Variants in STAT4 observed in about 807,000 individuals in gnomAD.
STAT4 encodes signal transducer and activator of transcription 4.
STAT4 carries 42 observed loss-of-function variants against 110.5 expected under a neutral mutation model. That is an observed-to-expected ratio of 0.38 (90% confidence interval 0.30 to 0.49). The LOEUF (loss-of-function observed/expected upper bound fraction) is 0.49, where lower values mean the gene tolerates loss of function less well. Ranked by LOEUF, STAT4 falls within the 20% of genes least tolerant of loss-of-function variation. The probability of loss-of-function intolerance (pLI) is 0.95; values close to 1 mark genes in which losing one functional copy is unlikely to be tolerated. For missense variants in STAT4, 632 were observed against 887.9 expected (o/e 0.71, Z 3.66); for synonymous variants, 284 against 302.2 (o/e 0.94, Z 0.63).
intron 3 of STAT4, among the ~76,000 whole-genome samples, chr2:191,119,433 C>A (rs1348115584): frequency 6.6e-6 from 1 of 152,044 alleles, no homozygotes; most frequent in Non-Finnish European, 1.5e-5. Flanking sequence ...AAAAGGAATG[C>A]CCATTTCCAG....
chr2:191,119,233 A>C (rs1698654221), intron 3 of STAT4, among the ~76,000 whole-genome samples: 2 of 152,192 alleles, frequency 1.3e-5, no homozygotes, highest in African/African-American at 4.8e-5. Context: ...AAATATGCTA[A>C]AAAGGGTCCC....
At chr2:191,034,149 G>A (rs767505950) in intron 18 of STAT4, 144 bp from the exon 19 acceptor site, 34 of 684,050 alleles carry the variant, frequency 5.0e-5, no homozygotes, top group Non-Finnish European at 7.4e-5. Context: ...TTGGCCTGGT[G>A]TGGTGGCTCA....
At chr2:191,063,925 T>A (rs565851748) in intron 8 of STAT4, among the ~76,000 whole-genome samples, 1 of 152,242 alleles carries the variant, frequency 6.6e-6, no homozygotes, top group Non-Finnish European at 1.5e-5. Flanking sequence ...TTTGACTTGT[T>A]CTCTTAAGAA....
chr2:191,115,955 A>G (rs1306876527), intron 3 of STAT4, among the ~76,000 whole-genome samples: 1 of 152,232 alleles, frequency 6.6e-6, no homozygotes, highest in Non-Finnish European at 1.5e-5. Flanking sequence ...AAGGCCAGAT[A>G]CAACTATATC....
In STAT4 at chr2:191,142,473, G is replaced by A. The variant is rs1699362331; in HGVS notation, c.273+4140C>T. 6.6e-6 allele frequency among the ~76,000 whole-genome samples: 1 copy of A among 151,930 alleles called. No homozygotes were observed. The highest frequency in any genetic ancestry group is 2.1e-4 in the South Asian group (1 of 4,812). ...GGCTGGGAAGGGTGGGTGGATGGAG[G>A]GAAATGAAAAGAGCCTGGTTAATGG... On this transcript the variant is annotated intron_variant, in intron 3 of 23. Coordinates refer to ENST00000392320, the MANE Select transcript of STAT4 (RefSeq NM_003151.4). This position sits in a 1 kb window ranked among gnomAD's most constrained non-coding sequence, Gnocchi z 4.1.
chr2:191,065,340 C>A (rs1181299722), intron 7 of STAT4, among the ~76,000 whole-genome samples: 2 of 152,026 alleles, frequency 1.3e-5, no homozygotes, highest in East Asian at 3.8e-4. Flanking sequence ...AATGAGCTGA[C>A]TAAAATTTGA....
rs756939006 is a variant in STAT4, at chr2:191,090,512, G to T, written c.274-14187C>A. ...ATCTTAAACTAGCTAAAAATTAGCT[G>T]CAGGTATATATAGCTTGTCTTACCT... On this transcript the variant is annotated intron_variant, in intron 3 of 23. Transcript: ENST00000392320. The surrounding 1 kb of genome is among the most constrained non-coding windows in gnomAD (Gnocchi z 4.2). 6.6e-6 allele frequency among the ~76,000 whole-genome samples: 1 copy of T among 151,980 alleles called. No individual in the cohort carries two copies. Among genetic ancestry groups the T allele is most frequent in the Non-Finnish European group, 1.5e-5 (1 of 67,982 alleles).
chr2:191,106,487 T>C (rs1376638441), intron 3 of STAT4, among the ~76,000 whole-genome samples: 2 of 151,714 alleles, frequency 1.3e-5, no homozygotes, highest in African/African-American at 4.8e-5. Context: ...AAATTTCGTC[T>C]CTACTAAAAA....
intron 1 of STAT4, 86 bp from the exon 2 acceptor site, chr2:191,148,290 T>C: frequency 6.8e-7 from 1 of 1,464,276 alleles, no homozygotes; most frequent in Non-Finnish European, 9.2e-7. Context: ...AATTAGTCAA[T>C]GTTATGACTG....
chr2:191,106,781 C>T (rs1367024818), intron 3 of STAT4, among the ~76,000 whole-genome samples: 2 of 152,166 alleles, frequency 1.3e-5, no homozygotes, highest in Admixed American at 1.3e-4. Flanking sequence ...GAACATACAG[C>T]CTTCAGGGAC....
chr2:191,141,370 TTTTATACATACATGTATATATATATCATA>T (rs1242552054), intron 3 of STAT4, among the ~76,000 whole-genome samples: 1 of 149,954 alleles, frequency 6.7e-6, no homozygotes, highest in Non-Finnish European at 1.5e-5. Flanking sequence ...AAAATGGTTA[TTTTATACATACATGTATATATATATCATA>T]TATATACATA....
At position 191,135,659 on chromosome 2, in the gene STAT4, G is replaced by A. The variant is rs1699160309; in HGVS notation, c.273+10954C>T. Among the ~76,000 whole-genome samples the A allele has an allele frequency of 6.6e-6, 1 of 152,022 alleles. No homozygotes were observed. Among genetic ancestry groups the A allele is most frequent in the African/African-American group, 2.4e-5 (1 of 41,390 alleles). ...TTTTTTGTATTTTTAGTAGAGACAGGGTTTCACCATGTTGGCTGCACTGGT... is the reference window on the plus strand; with the variant it reads ...TTTTTTGTATTTTTAGTAGAGACAGAGTTTCACCATGTTGGCTGCACTGGT... On this transcript the variant is annotated intron_variant, in intron 3 of 23. Coordinates refer to ENST00000392320, the MANE Select transcript of STAT4 (RefSeq NM_003151.4). The surrounding 1 kb of genome is among the most constrained non-coding windows in gnomAD (Gnocchi z 4.8).
Position 191,147,837 on chromosome 2 carries a change from T to A in STAT4, c.128+239A>T, listed in dbSNP as rs1699498306. ...CTTTTTTTAATACATGAAAAATTATTTGGGTTTTTGTTTACAGAGAAAAGA... is the reference window on the plus strand; with the variant it reads ...CTTTTTTTAATACATGAAAAATTATATGGGTTTTTGTTTACAGAGAAAAGA... On this transcript the variant is annotated intron_variant, in intron 2 of 23. Coordinates refer to ENST00000392320, the MANE Select transcript of STAT4 (RefSeq NM_003151.4). This position sits in a 1 kb window ranked among gnomAD's most constrained non-coding sequence, Gnocchi z 4.1. Among the ~76,000 whole-genome samples, 1 of 152,134 alleles carries A rather than the reference T, an allele frequency of 6.6e-6. No homozygotes were observed. Among genetic ancestry groups the A allele is most frequent in the African/African-American group, 2.4e-5 (1 of 41,414 alleles).
Position 191,029,695 on chromosome 2 carries a change from G to A in STAT4, c.*145C>T, listed in dbSNP as rs1046580745. 1.4e-5 allele frequency: 10 copies of A among 727,206 alleles called. No individual in the cohort carries two copies. The highest frequency in any genetic ancestry group is 1.1e-4 in the Admixed American group (4 of 36,208). 45.0% of individuals were successfully genotyped at this position (727,206 alleles called of 1,614,324 possible). ...CACTCCCAATTGAGGAGTGCCACGG[G>A]AGTGTGAAGAGAGCTTCAGATGTCA... is the stretch of plus-strand genomic sequence containing the variant. On this transcript the variant is annotated 3_prime_UTR_variant, in exon 24 of 24. Coordinates refer to ENST00000392320, the MANE Select transcript of STAT4 (RefSeq NM_003151.4). This position sits in a 1 kb window ranked among gnomAD's most constrained non-coding sequence, Gnocchi z 4.5.
intron 3 of STAT4, among the ~76,000 whole-genome samples, chr2:191,106,990 T>C (rs1435386703): frequency 6.6e-6 from 1 of 152,208 alleles, no homozygotes; most frequent in Non-Finnish European, 1.5e-5. Flanking sequence ...GTATGTTTGG[T>C]GATACATTTG....
intron 3 of STAT4, among the ~76,000 whole-genome samples, chr2:191,128,121 T>C (rs1338664924): frequency 1.4e-5 from 2 of 142,204 alleles, no homozygotes; most frequent in Admixed American, 7.2e-5. Context: ...ATGAGTGTTA[T>C]GATATTGACA....
chr2:191,107,411 T>C lies in STAT4; in HGVS notation c.274-31086A>G, dbSNP rs1294230941. ...GTCAGGCACCACACTAAGCCCTTAA[T>C]TGAATTGTCATTTGGTCCCCACAAC... is the stretch of plus-strand genomic sequence containing the variant. On this transcript the variant is annotated intron_variant, in intron 3 of 23. Coordinates refer to ENST00000392320, the MANE Select transcript of STAT4 (RefSeq NM_003151.4). The surrounding 1 kb of genome is among the most constrained non-coding windows in gnomAD (Gnocchi z 4.2). 3.3e-5 allele frequency among the ~76,000 whole-genome samples: 5 copies of C among 152,190 alleles called. No homozygotes were observed. Among genetic ancestry groups the C allele is most frequent in the Admixed American group, 6.5e-5 (1 of 15,284 alleles).
At chr2:191,121,604 A>G (rs1698731379) in intron 3 of STAT4, among the ~76,000 whole-genome samples, 1 of 152,154 alleles carries the variant, frequency 6.6e-6, no homozygotes, top group South Asian at 2.1e-4. Flanking sequence ...AAAAAGGATG[A>G]GTTCATGTCC....
intron 3 of STAT4, among the ~76,000 whole-genome samples, chr2:191,130,724 C>T (rs1302657975): frequency 4.6e-5 from 7 of 151,472 alleles, no homozygotes; most frequent in East Asian, 1.9e-4. Context: ...TTTTTGTTTC[C>T]GTGATTTCTT....
Sources: allele counts gnomAD v4.1 joint callset (sites outside exome capture counted in the v4.1 genomes callset), GRCh38; gene constraint gnomAD v4.1.1; non-coding constraint Gnocchi (gnomAD v3.1); transcripts MANE v1.5; gene names NCBI Gene and HGNC (gene_info 2026-07-23, HGNC 2026-07-21).